The following TPR variants were observed in gnomAD, a reference collection of about 807,000 sequenced individuals.
TPR encodes nucleoprotein TPR.
Under a neutral mutation model 316.1 loss-of-function variants are expected in TPR, and 51 were observed. That is an observed-to-expected ratio of 0.16 (90% CI 0.13 to 0.20). TPR has a LOEUF of 0.20. Among genes scored for constraint, TPR ranks in the 10% least tolerant of loss-of-function variants. The pLI is 1.00. For synonymous variants in TPR, 981 were observed against 914.7 expected, an observed-to-expected ratio of 1.07 and a Z score of -1.31; for missense variants, 2,272 against 2,754.8, an observed-to-expected ratio of 0.82 and a Z score of 3.92.
chr1:186,324,108 G>T (rs1657847551), intron 42 of TPR, among the ~76,000 whole-genome samples: 1 of 151,918 alleles, frequency 6.6e-6, no homozygotes, highest in African/African-American at 2.4e-5. Flanking sequence ...TCTATTTTTT[G>T]GTTGGTTAAT....
At chr1:186,340,960 C>T in intron 29 of TPR, 68 bp downstream of exon 29, 2 of 1,552,430 alleles carry the variant, frequency 1.3e-6, no homozygotes, top group Non-Finnish European at 1.7e-6. Flanking sequence ...TATTTTTATT[C>T]CCCTAAGTTT....
chr1:186,343,797 T>A (rs1436216686), intron 26 of TPR, 109 bp downstream of exon 26: 2 of 1,035,460 alleles, frequency 1.9e-6, no homozygotes, highest in Non-Finnish European at 1.4e-6. Context: ...AATAAAAGAA[T>A]GAACTTTATA....
At chr1:186,327,416 A>G (rs1658034530) in intron 40 of TPR, 44 bp downstream of exon 40, 2 of 1,592,026 alleles carry the variant, frequency 1.3e-6, no homozygotes, top group Non-Finnish European at 1.7e-6. Context: ...GAGCACTTTC[A>G]TCCAATAGTT....
chr1:186,348,375 T>C lies in TPR; in HGVS notation c.2777-917A>G, dbSNP rs1215608220. Among the ~76,000 whole-genome samples the C allele has an allele frequency of 2.0e-5, 3 of 152,176 alleles. No homozygotes were observed. In the East Asian group the frequency reaches 5.8e-4, roughly 29 times the overall value. On this transcript the variant is annotated intron_variant, in intron 21 of 50. Transcript: ENST00000367478. The stretch of plus-strand genomic sequence containing the variant: ...GGAAAACTCAGCCCTGGTAAATTTG[T>C]GGTCAGACCGGTTCTCTGCTCTGGA...
rs2101998936 is a variant in TPR at position 186,375,093 on chromosome 1, G to A, written c.-65C>T. 3 of 1,600,362 alleles carry A rather than the reference G, an allele frequency of 1.9e-6. No homozygotes were observed. Among genetic ancestry groups the A allele is most frequent in the East Asian group, 2.3e-5 (1 of 44,176 alleles). On this transcript the variant is annotated 5_prime_UTR_variant, in exon 1 of 51. Coordinates refer to ENST00000367478, the MANE Select transcript of TPR (RefSeq NM_003292.3). ...GGTAGAAGCGGAGAAGAAAGGCGAA[G>A]ACCAGCAGGACCCAGACGCCTGGGC... is the stretch of plus-strand genomic sequence containing the variant.
intron 49 of TPR, among the ~76,000 whole-genome samples, chr1:186,315,461 A>G (rs1207009978): frequency 1.3e-5 from 2 of 152,210 alleles, no homozygotes; most frequent in African/African-American, 4.8e-5. Flanking sequence ...CAAATCATGA[A>G]TGCTCAAATT....
At chr1:186,349,660 A>T (rs779400101) in intron 21 of TPR, among the ~76,000 whole-genome samples, 20 of 127,482 alleles carry the variant, frequency 1.6e-4, no homozygotes, top group South Asian at 7.6e-4. Context: ...ACTCTCTCTC[A>T]AAAAAAAAAA....
At chr1:186,314,823 T>G in intron 49 of TPR, 99 bp from the exon 50 acceptor site, 1 of 657,316 alleles carries the variant, frequency 1.5e-6, no homozygotes, top group Admixed American at 3.1e-5. Context: ...GAATAAGATG[T>G]AGACTTGTTC....
intron 43 of TPR, chr1:186,322,808 C>T: frequency 1.9e-6 from 1 of 520,446 alleles, no homozygotes. Context: ...TTCTATTAAC[C>T]AACAGACCAA....
At chr1:186,363,123 C>T (rs1659244052) in intron 5 of TPR, 122 bp from the exon 6 acceptor site, 1 of 1,158,370 alleles carries the variant, frequency 8.6e-7, no homozygotes. Context: ...TAAGTATTTG[C>T]ATAGATTCTT....
chr1:186,375,160 C>T lies in TPR; in HGVS notation c.-132G>A. On this transcript the variant is annotated 5_prime_UTR_variant, in exon 1 of 51. Coordinates refer to ENST00000367478, the MANE Select transcript of TPR (RefSeq NM_003292.3). Reference sequence around the variant, plus strand: ...TCGCTCGGTGGCTCGCGCGCGCCCGCCCGCCGGAGACTCCCGCGGCGGGAC... The same window carrying T: ...TCGCTCGGTGGCTCGCGCGCGCCCGTCCGCCGGAGACTCCCGCGGCGGGAC... 1 of 1,543,464 alleles carries T rather than the reference C, an allele frequency of 6.5e-7. No homozygotes were observed. Among genetic ancestry groups the T allele is most frequent in the African/African-American group, 1.4e-5 (1 of 72,748 alleles).
intron 36 of TPR, among the ~76,000 whole-genome samples, chr1:186,333,710 GTTT>G (rs1201517952): frequency 6.6e-6 from 1 of 152,104 alleles, no homozygotes; most frequent in East Asian, 1.9e-4. Context: ...GCATCATTTA[GTTT>G]TTAATTGATA....
chr1:186,314,240 T>A lies in TPR; in HGVS notation c.7037-214A>T. ...AAAGTTATATTGGAAAACATGGAAATATTAAAATTTTACACTTTTACTAGC... is the reference window on the plus strand; with the variant it reads ...AAAGTTATATTGGAAAACATGGAAAAATTAAAATTTTACACTTTTACTAGC... On this transcript the variant is annotated intron_variant, in intron 50 of 50. Transcript: ENST00000367478. 8.1e-6 allele frequency: 4 copies of A among 493,424 alleles called. No homozygotes were observed. The South Asian group carries it at 1.3e-4, about 16-fold the overall frequency. 30.6% of individuals were successfully genotyped at this position (493,424 alleles called of 1,614,324 possible).
chr1:186,355,373 T>C (rs781700524), intron 17 of TPR, 37 bp downstream of exon 17: 8 of 1,577,282 alleles, frequency 5.1e-6, no homozygotes, highest in African/African-American at 1.4e-5. Context: ...AAGTATAACA[T>C]TTAGACTTAA....
rs1337706178 is a variant in TPR, at chr1:186,351,433, C to CAGA, written c.2506_2507insTCT (p.Arg836delinsIleTrp). ...CAGTTTTTCTATCTGGCTACTAAGC[C>CAGA]TTTGTTTGGTTTCTGTTTCAGATCG... On this transcript the variant is annotated protein_altering_variant, in exon 20 of 51. Transcript: ENST00000367478. 1 of 1,610,352 alleles carries CAGA rather than the reference C, an allele frequency of 6.2e-7. No homozygotes were observed.
At chr1:186,372,009 A>C (rs72713758) in intron 2 of TPR, among the ~76,000 whole-genome samples, 2 of 152,182 alleles carry the variant, frequency 1.3e-5, no homozygotes. Flanking sequence ...AGATCTTTTT[A>C]TTATGGCTAG....
At chr1:186,319,188 T>G (rs1290278776) in intron 46 of TPR, among the ~76,000 whole-genome samples, 1 of 152,060 alleles carries the variant, frequency 6.6e-6, no homozygotes, top group Non-Finnish European at 1.5e-5. Flanking sequence ...TCAGTCTTGT[T>G]ATGTTGTCAA....
At chr1:186,358,712 A>C (rs1368555767) in intron 12 of TPR, 62 bp from the exon 13 acceptor site, 1 of 1,352,570 alleles carries the variant, frequency 7.4e-7, no homozygotes. Flanking sequence ...ACAAGTAATA[A>C]AGACATACAA....
Position 186,316,354 on chromosome 1 carries a change from G to A in TPR, c.6940+1128C>T, listed in dbSNP as rs536943523. ...AATTTAAAGTTACCAGATATGAAACGGTAGATATTAGGGATATTAACCAAT... is the reference window on the plus strand; with the variant it reads ...AATTTAAAGTTACCAGATATGAAACAGTAGATATTAGGGATATTAACCAAT... On this transcript the variant is annotated intron_variant, in intron 49 of 50. Transcript: ENST00000367478. Among the ~76,000 whole-genome samples, 4 of 152,114 alleles carry A rather than the reference G, an allele frequency of 2.6e-5. No homozygotes were observed. The South Asian group carries it at 8.3e-4, about 32-fold the overall frequency.
Sources: gnomAD v4.1 joint callset for allele counts (sites outside exome capture counted in the v4.1 genomes callset) on GRCh38, gnomAD v4.1.1 for gene constraint, MANE v1.5 for transcripts, NCBI Gene and HGNC (gene_info 2026-07-23, HGNC 2026-07-21) for gene names.